EVC2: variants seen among roughly 807,000 people sequenced by gnomAD.
EVC2 encodes limbin.
In EVC2, 148 loss-of-function variants were observed where a neutral mutation model predicts 149.3. The ratio of observed to expected loss-of-function variants is 0.99; its 90% CI spans 0.87 to 1.14. The LOEUF (loss-of-function observed/expected upper bound fraction) is 1.14, where lower values mean the gene tolerates loss of function less well. Among genes scored for constraint, EVC2 ranks in the 50% most tolerant of loss-of-function variants. The probability of loss-of-function intolerance (pLI) is 0.00; values close to 1 mark genes in which losing one functional copy is unlikely to be tolerated. For synonymous variants in EVC2, 776 were observed against 649.9 expected (o/e 1.19, Z -2.95); for missense variants, 1,854 against 1,627.3 (o/e 1.14, Z -2.40).
intron 1 of EVC2, among the ~76,000 whole-genome samples, chr4:5,699,779 T>C (rs1721713086): frequency 6.6e-6 from 1 of 151,680 alleles, no homozygotes; most frequent in African/African-American, 2.4e-5. Flanking sequence ...GCTATGATCA[T>C]GCCACTGCAC....
chr4:5,652,087 G>T (rs755796195), intron 9 of EVC2, among the ~76,000 whole-genome samples: 1 of 152,212 alleles, frequency 6.6e-6, no homozygotes, highest in African/African-American at 2.4e-5. Context: ...TGACCCAACC[G>T]AGTTCACTGA....
chr4:5,662,809 C>T (rs1718989143), intron 9 of EVC2, among the ~76,000 whole-genome samples: 1 of 151,670 alleles, frequency 6.6e-6, no homozygotes, highest in Admixed American at 6.6e-5. Flanking sequence ...ACTTCCTCTT[C>T]TGTGCTCTGC....
At chr4:5,642,185 G>A (rs1012100160) in intron 9 of EVC2, among the ~76,000 whole-genome samples, 2 of 152,098 alleles carry the variant, frequency 1.3e-5, no homozygotes, top group East Asian at 1.9e-4. Context: ...GTCTATCATC[G>A]ATGGGCATTT....
intron 21 of EVC2, among the ~76,000 whole-genome samples, chr4:5,545,832 G>A (rs1034315218): frequency 6.6e-6 from 1 of 152,198 alleles, no homozygotes; most frequent in African/African-American, 2.4e-5. Context: ...CAGGAGGTAA[G>A]GTGCTGCAGG....
chr4:5,630,163 G>T (rs1255663299), intron 11 of EVC2, among the ~76,000 whole-genome samples: 2 of 152,168 alleles, frequency 1.3e-5, no homozygotes, highest in African/African-American at 4.8e-5. Context: ...TTAAATGGAG[G>T]GGGGAGCTCG....
At chr4:5,641,057 A>T (rs1226286539) in intron 9 of EVC2, among the ~76,000 whole-genome samples, 1 of 152,258 alleles carries the variant, frequency 6.6e-6, no homozygotes, top group Admixed American at 6.5e-5. Flanking sequence ...TGTACAAAAA[A>T]GAATATAATC....
rs961086006 is a variant in EVC2, at chr4:5,686,340, G to T, written c.707-861C>A. 1.3e-5 allele frequency among the ~76,000 whole-genome samples: 2 copies of T among 152,022 alleles called. No homozygotes were observed. The highest frequency in any genetic ancestry group is 2.9e-5 in the Non-Finnish European group (2 of 68,006). On this transcript the variant is annotated intron_variant, in intron 5 of 21. Transcript: ENST00000344408. The surrounding 1 kb of genome is among the most constrained non-coding windows in gnomAD (Gnocchi z 5.4). ...CCTGAGTAGCTGGGACTTTAGGTGT[G>T]GACCATGCTCATCTCATTTTATTTT...
At chr4:5,691,131 T>C in intron 4 of EVC2, 134 bp downstream of exon 4, 1 of 746,550 alleles carries the variant, frequency 1.3e-6, no homozygotes, top group Non-Finnish European at 2.4e-6. Context: ...TGCTATTTGT[T>C]CATTGCTCAT....
chr4:5,678,642 G>A (rs1021070745), intron 7 of EVC2, among the ~76,000 whole-genome samples: 4 of 152,094 alleles, frequency 2.6e-5, no homozygotes, highest in South Asian at 4.1e-4. Context: ...TAAGCTCTAC[G>A]GTATAGTCTA....
At chr4:5,694,230 G>C in intron 3 of EVC2, 105 bp downstream of exon 3, 3 of 1,177,410 alleles carry the variant, frequency 2.5e-6, no homozygotes, top group Non-Finnish European at 3.8e-6. Flanking sequence ...AGGAGGAATA[G>C]GGTTTTTTTA....
At chr4:5,703,902 G>C (rs1302064672) in intron 1 of EVC2, among the ~76,000 whole-genome samples, 1 of 152,102 alleles carries the variant, frequency 6.6e-6, no homozygotes, top group Non-Finnish European at 1.5e-5. Flanking sequence ...GGCTTTAACA[G>C]GGTGACAGAG....
intron 9 of EVC2, among the ~76,000 whole-genome samples, chr4:5,647,497 C>T (rs1159809948): frequency 6.6e-5 from 10 of 152,154 alleles, no homozygotes; most frequent in Non-Finnish European, 1.0e-4. Context: ...TCAAAAAGTG[C>T]TTATTGAACA....
At chr4:5,660,053 C>G (rs571237328) in intron 9 of EVC2, among the ~76,000 whole-genome samples, 1 of 152,346 alleles carries the variant, frequency 6.6e-6, no homozygotes, top group East Asian at 1.9e-4. Flanking sequence ...ATAACTTCGT[C>G]TCCCATTGCT....
intron 9 of EVC2, among the ~76,000 whole-genome samples, chr4:5,658,755 T>G (rs1718692018): frequency 2.0e-5 from 3 of 152,214 alleles, no homozygotes; most frequent in African/African-American, 7.2e-5. Flanking sequence ...GAAAAACCAA[T>G]AAATCTTTCT....
intron 16 of EVC2, among the ~76,000 whole-genome samples, chr4:5,592,423 T>C (rs534286609): frequency 2.0e-4 from 31 of 152,314 alleles, no homozygotes; most frequent in East Asian, 3.9e-4. Flanking sequence ...AGAGGTCTTA[T>C]TGTTACAGTA....
At chr4:5,598,858 C>G (rs1382588523) in intron 16 of EVC2, among the ~76,000 whole-genome samples, 4 of 151,904 alleles carry the variant, frequency 2.6e-5, no homozygotes, top group African/African-American at 9.7e-5. Flanking sequence ...ACAATGAACT[C>G]AAACAAATTT....
chr4:5,557,305 G>A (rs1235973970), intron 21 of EVC2, among the ~76,000 whole-genome samples: 3 of 151,974 alleles, frequency 2.0e-5, no homozygotes, highest in African/African-American at 4.8e-5. Flanking sequence ...TCACATCAAC[G>A]GGCTAAAGAA....
At chr4:5,668,506 C>T (rs1403184694) in intron 7 of EVC2, among the ~76,000 whole-genome samples, 1 of 152,142 alleles carries the variant, frequency 6.6e-6, no homozygotes, top group Non-Finnish European at 1.5e-5. Flanking sequence ...CTGGACATGT[C>T]CCTCTGCTCC....
intron 16 of EVC2, among the ~76,000 whole-genome samples, chr4:5,592,906 G>A (rs764626714): frequency 2.0e-5 from 3 of 152,158 alleles, no homozygotes; most frequent in Non-Finnish European, 4.4e-5. Flanking sequence ...ATCTTGAATT[G>A]TAGTTCTCAT....
Sources: gnomAD v4.1 joint callset for allele counts (sites outside exome capture counted in the v4.1 genomes callset) on GRCh38, gnomAD v4.1.1 for gene constraint, Gnocchi (gnomAD v3.1) non-coding constraint, MANE v1.5 for transcripts, NCBI Gene and HGNC (gene_info 2026-07-23, HGNC 2026-07-21) for gene names.